The following OPCML variants were observed in gnomAD, a reference collection of about 807,000 sequenced individuals.
OPCML encodes opioid-binding protein/cell adhesion molecule.
A neutral mutation model predicts 37.8 loss-of-function variants in OPCML; 13 were observed. The ratio of observed to expected loss-of-function variants is 0.34; its 90% CI spans 0.22 to 0.55. The LOEUF (loss-of-function observed/expected upper bound fraction) is 0.55, where lower values mean the gene tolerates loss of function less well. OPCML is among the 20% of genes least tolerant of loss of function. The probability of loss-of-function intolerance (pLI) is 0.91; values close to 1 mark genes in which losing one functional copy is unlikely to be tolerated. For missense variants in OPCML, 341 were observed against 435.6 expected (o/e 0.78, Z 1.93); for synonymous variants, 176 against 168.8 (o/e 1.04, Z -0.33).
intron 2 of OPCML, among the ~76,000 whole-genome samples, chr11:132,823,847 C>T (rs915708497): frequency 6.6e-6 from 1 of 152,102 alleles, no homozygotes; most frequent in African/African-American, 2.4e-5. Flanking sequence ...GGCACATGAT[C>T]GCAGCATTTA....
chr11:132,856,419 G>A (rs999711175), intron 2 of OPCML, among the ~76,000 whole-genome samples: 5 of 152,100 alleles, frequency 3.3e-5, no homozygotes, highest in African/African-American at 1.2e-4. Flanking sequence ...GACAGGAGAG[G>A]CCCCCCGCTC....
chr11:132,847,158 T>A (rs970424030), intron 2 of OPCML, among the ~76,000 whole-genome samples: 2 of 152,202 alleles, frequency 1.3e-5, no homozygotes, highest in Admixed American at 1.3e-4. Flanking sequence ...CCGTGACAAC[T>A]GAAGGTATCT....
intron 1 of OPCML, among the ~76,000 whole-genome samples, chr11:133,126,641 T>C (rs957429033): frequency 5.3e-5 from 8 of 152,176 alleles, no homozygotes; most frequent in Non-Finnish European, 1.0e-4. Flanking sequence ...AAGTCTCTTT[T>C]GACTCCTTCT....
At chr11:132,605,183 G>A (rs1938198814) in intron 3 of OPCML, among the ~76,000 whole-genome samples, 1 of 152,174 alleles carries the variant, frequency 6.6e-6, no homozygotes, top group Admixed American at 6.5e-5. Context: ...CATTGCATGG[G>A]CTAGAGATAA....
chr11:132,565,994 C>A (rs1012485761), intron 3 of OPCML, among the ~76,000 whole-genome samples: 3 of 152,194 alleles, frequency 2.0e-5, no homozygotes, highest in African/African-American at 7.2e-5. Context: ...GATTGCACAA[C>A]TGCACTCCAG....
chr11:132,695,985 G>T (rs541347920), intron 2 of OPCML, among the ~76,000 whole-genome samples: 2 of 152,222 alleles, frequency 1.3e-5, no homozygotes, highest in African/African-American at 4.8e-5. Context: ...GGATGAAATG[G>T]CAACTGCACC....
intron 4 of OPCML, among the ~76,000 whole-genome samples, chr11:132,448,267 T>C (rs1480305932): frequency 6.6e-6 from 1 of 152,238 alleles, no homozygotes; most frequent in African/African-American, 2.4e-5. Flanking sequence ...TATTAGTTCC[T>C]GGCATCACAG....
intron 1 of OPCML, among the ~76,000 whole-genome samples, chr11:133,262,098 T>C (rs1046541559): frequency 3.9e-5 from 6 of 152,236 alleles, no homozygotes; most frequent in Admixed American, 6.5e-5. Context: ...ATAAAAATTA[T>C]ATACGCTTTT....
chr11:133,005,867 C>T (rs1947100534), intron 1 of OPCML: 1 of 985,250 alleles, frequency 1.0e-6, no homozygotes, highest in South Asian at 4.7e-5. Flanking sequence ...TTAATTTGCA[C>T]TTAATTGCAG....
chr11:133,215,789 T>C (rs1464916842), intron 1 of OPCML, among the ~76,000 whole-genome samples: 1 of 152,030 alleles, frequency 6.6e-6, no homozygotes, highest in Non-Finnish European at 1.5e-5. Flanking sequence ...AGCCAGCCCC[T>C]CCCACCATGC....
chr11:132,827,701 G>A (rs541507960), intron 2 of OPCML, among the ~76,000 whole-genome samples: 5 of 152,284 alleles, frequency 3.3e-5, no homozygotes, highest in Admixed American at 3.3e-4. Context: ...GTGCAGTGGT[G>A]TGATCTCAGA....
chr11:132,704,321 A>C (rs1055052546), intron 2 of OPCML, among the ~76,000 whole-genome samples: 1 of 152,246 alleles, frequency 6.6e-6, no homozygotes, highest in African/African-American at 2.4e-5. Context: ...TAGGGTTAAA[A>C]CAAAGAAGGT....
intron 2 of OPCML, among the ~76,000 whole-genome samples, chr11:132,690,270 G>A (rs182477986): frequency 7.2e-5 from 11 of 152,230 alleles, no homozygotes; most frequent in African/African-American, 2.2e-4. Context: ...ACGTGCATCC[G>A]AGTCATCTGG....
At chr11:133,455,937 T>C (rs2136967690) in intron 1 of OPCML, among the ~76,000 whole-genome samples, 1 of 152,280 alleles carries the variant, frequency 6.6e-6, no homozygotes, top group South Asian at 2.1e-4. Flanking sequence ...AATTCCTAGT[T>C]TCCTCCCTGG....
intron 2 of OPCML, among the ~76,000 whole-genome samples, chr11:132,673,235 A>T (rs1436346514): frequency 1.3e-5 from 2 of 152,120 alleles, no homozygotes; most frequent in Non-Finnish European, 2.9e-5. Flanking sequence ...CTTAGAACGC[A>T]TGGGTGAAGA....
At chr11:132,683,283 C>T (rs1943030921) in intron 2 of OPCML, among the ~76,000 whole-genome samples, 1 of 152,046 alleles carries the variant, frequency 6.6e-6, no homozygotes, top group African/African-American at 2.4e-5. Flanking sequence ...GCCTGTAGTC[C>T]CAGTTACTTA....
chr11:132,585,581 C>T (rs760880580), intron 3 of OPCML, among the ~76,000 whole-genome samples: 1 of 152,082 alleles, frequency 6.6e-6, no homozygotes, highest in Non-Finnish European at 1.5e-5. Flanking sequence ...GATAAGTCAT[C>T]AAAATCAAGA....
chr11:132,824,277 C>T (rs1233084694), intron 2 of OPCML, among the ~76,000 whole-genome samples: 1 of 152,194 alleles, frequency 6.6e-6, no homozygotes, highest in Non-Finnish European at 1.5e-5. Context: ...AAAAGTTAAT[C>T]ATCACCATTG....
At position 132,560,714 on chromosome 11, in the gene OPCML, C is replaced by T. The variant is rs190842252; in HGVS notation, c.380-31528G>A. 5.1e-4 allele frequency among the ~76,000 whole-genome samples: 77 copies of T among 152,196 alleles called. 1 individual carries two copies. Among genetic ancestry groups the T allele is most frequent in the African/African-American group, 1.8e-3 (73 of 41,496 alleles). Reference sequence around the variant, plus strand: ...GAGCATTTTTCCATATGCTTGGTGGCCATTTGTATATCTTCCCTTGAGAAC... The same window carrying T: ...GAGCATTTTTCCATATGCTTGGTGGTCATTTGTATATCTTCCCTTGAGAAC... On this transcript the variant is annotated intron_variant, in intron 3 of 7. Coordinates refer to ENST00000524381, the MANE Select transcript of OPCML (RefSeq NM_001012393.5).
Sources: gnomAD v4.1 joint callset for allele counts (sites outside exome capture counted in the v4.1 genomes callset) on GRCh38, gnomAD v4.1.1 for gene constraint, MANE v1.5 for transcripts, NCBI Gene and HGNC (gene_info 2026-07-23, HGNC 2026-07-21) for gene names.